The following TGFBRAP1 variants were observed in gnomAD, a reference collection of about 807,000 sequenced individuals.
TGFBRAP1 encodes transforming growth factor beta receptor associated protein 1.
TGFBRAP1 carries 20 observed loss-of-function variants against 83.2 expected under a neutral mutation model. That is an observed-to-expected ratio of 0.24 (90% CI 0.17 to 0.35). TGFBRAP1 has a LOEUF of 0.35. Ranked by LOEUF, TGFBRAP1 falls within the 10% of genes least tolerant of loss-of-function variation. The pLI, the probability that TGFBRAP1 is intolerant of heterozygous loss-of-function variation, is 1.00. For missense variants in TGFBRAP1, 950 were observed against 1,099.4 expected, an observed-to-expected ratio of 0.86 and a Z score of 1.92; for synonymous variants, 415 against 459.8, an observed-to-expected ratio of 0.90 and a Z score of 1.25.
Position 105,266,458 on chromosome 2 carries a change from C to T in TGFBRAP1, c.*925G>A, listed in dbSNP as rs1476803066. The T allele has an allele frequency of 6.6e-6, 1 of 152,208 alleles. No individual in the cohort carries two copies. Among genetic ancestry groups the T allele is most frequent in the African/African-American group, 2.4e-5 (1 of 41,456 alleles). 9.4% of individuals were successfully genotyped at this position (152,208 alleles called of 1,614,324 possible). On this transcript the variant is annotated 3_prime_UTR_variant, in exon 12 of 12. Coordinates refer to ENST00000393359, the MANE Select transcript of TGFBRAP1 (RefSeq NM_004257.6). ...CCCCTAACAAACAGGACAGATGACT[C>T]TCTCAACAAGAGAGCAACTACGAAC...
At chr2:105,300,530 G>A (rs949663960) in intron 2 of TGFBRAP1, among the ~76,000 whole-genome samples, 2 of 147,238 alleles carry the variant, frequency 1.4e-5, no homozygotes, top group African/African-American at 2.5e-5. Context: ...TCTGCCTCCC[G>A]GGTTCAAGCG....
At chr2:105,320,612 A>G (rs543216335) in intron 1 of TGFBRAP1, among the ~76,000 whole-genome samples, 56 of 152,338 alleles carry the variant, frequency 3.7e-4, no homozygotes, top group Non-Finnish European at 7.3e-4. Context: ...CAGCTTAAGA[A>G]GCACAGCCCT....
At chr2:105,326,751 C>T (rs971781316) in intron 1 of TGFBRAP1, among the ~76,000 whole-genome samples, 2 of 152,066 alleles carry the variant, frequency 1.3e-5, no homozygotes, top group Non-Finnish European at 2.9e-5. Flanking sequence ...TGAGTACCTA[C>T]AGGACTTGAT....
chr2:105,279,284 G>T (rs1369864417), intron 6 of TGFBRAP1, among the ~76,000 whole-genome samples: 1 of 151,744 alleles, frequency 6.6e-6, no homozygotes, highest in Non-Finnish European at 1.5e-5. Context: ...TTTGAGACAG[G>T]GTCTAGCTCT....
At chr2:105,327,709 C>T (rs1301761143) in intron 1 of TGFBRAP1, among the ~76,000 whole-genome samples, 1 of 152,184 alleles carries the variant, frequency 6.6e-6, no homozygotes, top group Non-Finnish European at 1.5e-5. Flanking sequence ...ATCCCTGTCT[C>T]TGGAGGGTTT....
the TGFBRAP1 span, among the ~76,000 whole-genome samples, chr2:105,256,883 C>T: frequency 5.9e-5 from 9 of 152,300 alleles, no homozygotes; most frequent in South Asian, 2.1e-4. Context: ...CTAAATCTCA[C>T]GAAAACCAAG....
intron 2 of TGFBRAP1, among the ~76,000 whole-genome samples, chr2:105,305,789 G>A (rs1678475551): frequency 6.6e-6 from 1 of 151,972 alleles, no homozygotes; most frequent in African/African-American, 2.4e-5. Context: ...CTGAGTAGCT[G>A]GGATTACAGG....
chr2:105,277,995 A>C (rs1002094266), intron 6 of TGFBRAP1, among the ~76,000 whole-genome samples: 1 of 151,992 alleles, frequency 6.6e-6, no homozygotes, highest in Non-Finnish European at 1.5e-5. Flanking sequence ...TAAAGTTAAG[A>C]CTGCAGTGAG....
At chr2:105,308,851 C>T (rs1261919794) in intron 1 of TGFBRAP1, among the ~76,000 whole-genome samples, 2 of 152,190 alleles carry the variant, frequency 1.3e-5, no homozygotes, top group Admixed American at 1.3e-4. Context: ...TGAATATGCA[C>T]TTTAGTCAAT....
chr2:105,322,846 A>G (rs1319594178), intron 1 of TGFBRAP1, among the ~76,000 whole-genome samples: 1 of 152,196 alleles, frequency 6.6e-6, no homozygotes, highest in Non-Finnish European at 1.5e-5. Flanking sequence ...ATCATATATT[A>G]GCTCTAAAAA....
chr2:105,283,289 G>A (rs541880698), intron 5 of TGFBRAP1, among the ~76,000 whole-genome samples: 3 of 152,276 alleles, frequency 2.0e-5, no homozygotes, highest in East Asian at 3.9e-4. Context: ...CTCTACAACC[G>A]ATTGTGTAAC....
At chr2:105,285,716 A>G (rs1177434952) in intron 4 of TGFBRAP1, among the ~76,000 whole-genome samples, 1 of 152,228 alleles carries the variant, frequency 6.6e-6, no homozygotes, top group East Asian at 1.9e-4. Flanking sequence ...AGTAGTTTTA[A>G]AGGACTCTCA....
the TGFBRAP1 span, among the ~76,000 whole-genome samples, chr2:105,253,196 G>A: frequency 3.3e-5 from 5 of 152,042 alleles, no homozygotes; most frequent in East Asian, 1.9e-4. Flanking sequence ...GCAGTGGTGC[G>A]ATCTCGGCTC....
intron 5 of TGFBRAP1, 89 bp downstream of exon 5, chr2:105,284,227 C>A: frequency 8.0e-7 from 1 of 1,245,048 alleles, no homozygotes; most frequent in Admixed American, 1.7e-5. Context: ...CCATGCAACA[C>A]ATCCCACCGC....
chr2:105,319,856 T>C (rs1679003972), intron 1 of TGFBRAP1, among the ~76,000 whole-genome samples: 1 of 150,372 alleles, frequency 6.7e-6, no homozygotes. Flanking sequence ...TATATATTTG[T>C]TATATAGTGA....
chr2:105,325,498 A>T (rs1028139196), intron 1 of TGFBRAP1, among the ~76,000 whole-genome samples: 1 of 152,246 alleles, frequency 6.6e-6, no homozygotes, highest in Middle Eastern at 3.4e-3. Context: ...GATTGAGGGG[A>T]ACAAGTATGA....
chr2:105,308,296 C>T lies in TGFBRAP1; in HGVS notation c.6G>A (p.Met2Ile), dbSNP rs1678588706. Residue 2 changes from methionine (M) to isoleucine (I), a missense_variant, in exon 2 of 12, where the codon ATG becomes ATA. Physicochemically the swap from Met to Ile is conservative, Grantham distance 10. Coordinates refer to ENST00000393359, the MANE Select transcript of TGFBRAP1 (RefSeq NM_004257.6). Reference sequence around the variant, plus strand: ...AGACAAGCGTAAAGGCTTTGATGCTCATCATGTCTACTGGCTGATCTGCTG... The same window carrying T: ...AGACAAGCGTAAAGGCTTTGATGCTTATCATGTCTACTGGCTGATCTGCTG... Reference protein sequence around the residue: MMSIKAFTLVSA... With the variant: MISIKAFTLVSA... 1 of 1,605,462 alleles carries T rather than the reference C, an allele frequency of 6.2e-7. No individual in the cohort carries two copies. The highest frequency in any genetic ancestry group is 1.1e-5 in the South Asian group (1 of 90,850).
Position 105,296,439 on chromosome 2 carries a change from C to A in TGFBRAP1, c.955G>T (p.Asp319Tyr). 6.2e-7 allele frequency: 1 copy of A among 1,614,060 alleles called. No homozygotes were observed. The highest frequency in any genetic ancestry group is 8.5e-7 in the Non-Finnish European group (1 of 1,179,984). The change falls in exon 4 of 12, where the codon GAT (aspartate) becomes TAT (tyrosine). Residue 319 changes from aspartate (D) to tyrosine (Y), a missense_variant. By Grantham distance (160) the Asp-to-Tyr change is radical. Transcript: ENST00000393359. Reference protein sequence around the residue: ...VPLPLEKQIQDLLASRRVEEA... With the variant: ...VPLPLEKQIQYLLASRRVEEA... ...TCTACTCTGCGGCTTGCTAGAAGAT[C>A]CTGTATTTGTTTTTCCAAAGGTAAT...
chr2:105,258,773 ACTGT>A, the TGFBRAP1 span, among the ~76,000 whole-genome samples: 1 of 125,302 alleles, frequency 8.0e-6, no homozygotes, highest in African/African-American at 2.9e-5. Context: ...ACACACACAC[ACTGT>A]CTCTCTCTCT....
Sources: allele counts gnomAD v4.1 joint callset (sites outside exome capture counted in the v4.1 genomes callset), GRCh38; gene constraint gnomAD v4.1.1; transcripts MANE v1.5; gene names NCBI Gene and HGNC (gene_info 2026-07-23, HGNC 2026-07-21).